The following DZIP1L variants were observed in gnomAD, a reference collection of about 807,000 sequenced individuals.
The protein encoded by DZIP1L is DAZ interacting zinc finger protein 1 like.
In DZIP1L, 90 loss-of-function variants were observed where a neutral mutation model predicts 88.7. The observed-to-expected ratio is 1.02, with a 90% CI of 0.86 to 1.21. DZIP1L has a LOEUF of 1.21. DZIP1L is among the 50% of genes most tolerant of loss of function. DZIP1L has a pLI of 0.00. For synonymous variants in DZIP1L, 363 were observed against 372.1 expected (o/e 0.98, Z 0.28); for missense variants, 932 against 955.8 (o/e 0.98, Z 0.33).
intron 12 of DZIP1L, 121 bp downstream of exon 12, chr3:138,071,522 C>T (rs1047416210): frequency 8.8e-7 from 1 of 1,137,988 alleles, no homozygotes; most frequent in Admixed American, 2.8e-5. Context: ...CCAGCTCAGC[C>T]CTTCAGAGAA....
intron 5 of DZIP1L, chr3:138,089,308 C>T: frequency 1.0e-6 from 1 of 980,884 alleles, no homozygotes; most frequent in Non-Finnish European, 1.2e-6. Flanking sequence ...CAGATGTATG[C>T]ACAACTCCCG....
chr3:138,103,019 T>C, intron 2 of DZIP1L: 1 of 443,196 alleles, frequency 2.3e-6, no homozygotes, highest in Non-Finnish European at 4.2e-6. Context: ...TACACCTTTT[T>C]ATACATGCTC....
chr3:138,111,542 C>A (rs1480798831), intron 1 of DZIP1L, among the ~76,000 whole-genome samples: 3 of 152,182 alleles, frequency 2.0e-5, no homozygotes, highest in African/African-American at 7.2e-5. Flanking sequence ...ACACTCTGAG[C>A]ATACTCCATA....
intron 7 of DZIP1L, among the ~76,000 whole-genome samples, chr3:138,086,252 TATAATA>T (rs935330945): frequency 6.7e-6 from 1 of 148,498 alleles, no homozygotes; most frequent in Non-Finnish European, 1.5e-5. Context: ...AAACTTAAAG[TATAATA>T]ATAATAATTA....
chr3:138,098,192 T>G (rs1559855191), intron 2 of DZIP1L, among the ~76,000 whole-genome samples: 1 of 152,158 alleles, frequency 6.6e-6, no homozygotes, highest in Non-Finnish European at 1.5e-5. Flanking sequence ...ATACTACAAA[T>G]AAAATCATAA....
intron 4 of DZIP1L, among the ~76,000 whole-genome samples, chr3:138,094,349 A>G (rs1944369459): frequency 6.6e-6 from 1 of 152,240 alleles, no homozygotes; most frequent in African/African-American, 2.4e-5. Context: ...TGAAGCACAC[A>G]AAACACACAA....
intron 9 of DZIP1L, 61 bp from the exon 10 acceptor site, chr3:138,080,681 A>G: frequency 6.4e-7 from 1 of 1,574,724 alleles, no homozygotes; most frequent in Non-Finnish European, 8.7e-7. Context: ...TGACTAGAAG[A>G]AAAGTACAGA....
At chr3:138,095,803 C>T (rs539578308) in intron 3 of DZIP1L, among the ~76,000 whole-genome samples, 199 of 151,132 alleles carry the variant, frequency 1.3e-3, no homozygotes, top group African/African-American at 4.5e-3. Context: ...AAATAAATTT[C>T]AAATGGAAAA....
intron 8 of DZIP1L, 111 bp from the exon 9 acceptor site, chr3:138,081,875 T>A (rs903396339): frequency 2.0e-5 from 22 of 1,123,516 alleles, no homozygotes; most frequent in Non-Finnish European, 2.5e-5. Flanking sequence ...ACAGATTCCA[T>A]GACTCACGTT....
Position 138,077,533 on chromosome 3 carries a change from A to C in DZIP1L, c.1388T>G (p.Leu463Arg). ...KHFRPILEDT[L>R]EEKLESMGIR... ...CCCCATGCTTTCGAGCTTCTCTTCCAGGGTGTCCTCCAGGATTGGTCTGAA... is the reference window on the plus strand; with the variant it reads ...CCCCATGCTTTCGAGCTTCTCTTCCCGGGTGTCCTCCAGGATTGGTCTGAA... The change falls in exon 11 of 16, where the codon CTG becomes CGG. Residue 463 changes from leucine to arginine, a missense_variant. By Grantham distance (102) the Leu-to-Arg change is moderately radical. Coordinates refer to ENST00000327532, the MANE Select transcript of DZIP1L (RefSeq NM_173543.3). 1 of 1,614,198 alleles carries C rather than the reference A, an allele frequency of 6.2e-7. No individual in the cohort carries two copies. The highest frequency in any genetic ancestry group is 1.1e-5 in the South Asian group (1 of 91,080).
At chr3:138,110,487 T>C (rs1382443139) in intron 1 of DZIP1L, among the ~76,000 whole-genome samples, 1 of 151,972 alleles carries the variant, frequency 6.6e-6, no homozygotes, top group East Asian at 1.9e-4. Context: ...AATAAATAAA[T>C]AAATAAATGA....
At chr3:138,084,807 C>G (rs1278440789) in intron 7 of DZIP1L, among the ~76,000 whole-genome samples, 1 of 152,066 alleles carries the variant, frequency 6.6e-6, no homozygotes, top group Non-Finnish European at 1.5e-5. Flanking sequence ...GAATGTATTT[C>G]CCATTTGAAA....
chr3:138,094,257 A>C (rs1325604445), intron 4 of DZIP1L, among the ~76,000 whole-genome samples: 1 of 152,270 alleles, frequency 6.6e-6, no homozygotes, highest in Non-Finnish European at 1.5e-5. Flanking sequence ...AAGTGAGCAC[A>C]TACTGTTGGA....
chr3:138,079,574 C>A (rs1576454423), intron 10 of DZIP1L, among the ~76,000 whole-genome samples: 3 of 152,174 alleles, frequency 2.0e-5, no homozygotes, highest in Non-Finnish European at 2.9e-5. Context: ...TGGGTACACA[C>A]ATGTGCTTAT....
chr3:138,102,223 TCTC>T, intron 2 of DZIP1L: 5 of 1,402,146 alleles, frequency 3.6e-6, no homozygotes, highest in Non-Finnish European at 3.0e-6. Flanking sequence ...AGCTCCCGGA[TCTC>T]CTCTTCATAC....
Position 138,067,692 on chromosome 3 carries a change from G to A in DZIP1L, c.1841C>T (p.Pro614Leu), listed in dbSNP as rs369290439. The change falls in exon 14 of 16, where the codon CCG becomes CTG. Residue 614 changes from proline (P) to leucine (L), a missense_variant. By Grantham distance (98) the Pro-to-Leu change is moderately conservative (BLOSUM62 -3). Transcript: ENST00000327532. ...CTCTGAGTCCTCTTCAGAACTGAAC[G>A]GGGGCGTGCTGCCACGAGGAGGAGA... The part of the protein sequence containing the change: ...PSSGPGMSTP[P>L]FSSEEDSEGD... The A allele has an allele frequency of 3.6e-5, 56 of 1,558,742 alleles. No individual in the cohort carries two copies. In the African/African-American group the frequency reaches 3.8e-4, roughly 10 times the overall value.
intron 2 of DZIP1L, among the ~76,000 whole-genome samples, chr3:138,098,383 C>T (rs1272558440): frequency 6.6e-6 from 1 of 152,170 alleles, no homozygotes. Flanking sequence ...ATGCCAATGT[C>T]TAGGTCCCAT....
Position 138,081,716 on chromosome 3 carries a change from C to T in DZIP1L, c.1234+18G>A, listed in dbSNP as rs758414192. The T allele has an allele frequency of 5.0e-6, 8 of 1,611,288 alleles. No individual in the cohort carries two copies. Among genetic ancestry groups the T allele is most frequent in the Non-Finnish European group, 6.8e-6 (8 of 1,178,554 alleles). On this transcript the variant is annotated intron_variant, in intron 9 of 15. Transcript: ENST00000327532. The stretch of plus-strand genomic sequence containing the variant: ...CAATAGTCAAGACTGCTACACACTG[C>T]CCTGTGTAGACACTTACCTTCCACC...
At chr3:138,101,569 G>C in intron 2 of DZIP1L, 1 of 808,896 alleles carries the variant, frequency 1.2e-6, no homozygotes. Context: ...GGTGGAGCTG[G>C]TGCGGCTGAA....
Sources: allele counts gnomAD v4.1 joint callset (sites outside exome capture counted in the v4.1 genomes callset), GRCh38; gene constraint gnomAD v4.1.1; transcripts MANE v1.5; gene names NCBI Gene and HGNC (gene_info 2026-07-23, HGNC 2026-07-21).